The following CTSW variants were observed in gnomAD, a reference collection of about 807,000 sequenced individuals.
CTSW encodes the protein lymphopain.
CTSW carries 42 observed loss-of-function variants against 43.8 expected under a neutral mutation model. The ratio of observed to expected loss-of-function variants is 0.96; its 90% CI spans 0.75 to 1.24. The LOEUF (loss-of-function observed/expected upper bound fraction) is 1.24, where lower values mean the gene tolerates loss of function less well. CTSW is among the 50% of genes most tolerant of loss of function. The pLI is 0.00. For missense variants in CTSW, 475 were observed against 479.9 expected (o/e 0.99, Z 0.09); for synonymous variants, 191 against 184.8 (o/e 1.03, Z -0.27).
Position 65,883,145 on chromosome 11 carries a change from G to A in CTSW, c.810+12G>A, listed in dbSNP as rs1341433771. On this transcript the variant is annotated intron_variant, in intron 8 of 9. Coordinates refer to ENST00000307886, the MANE Select transcript of CTSW (RefSeq NM_001335.4). ...TGAAGCCCCTTCAGGTGAGATGGGG[G>A]AGCTGATGGGGAAGGGGCATACAGG... 6.2e-7 allele frequency: 1 copy of A among 1,613,968 alleles called. No homozygotes were observed. Among genetic ancestry groups the A allele is most frequent in the South Asian group, 1.1e-5 (1 of 91,072 alleles).
Position 65,882,279 on chromosome 11 carries a change from A to C in CTSW, c.391A>C (p.Ser131Arg), listed in dbSNP as rs988018533. The stretch of plus-strand genomic sequence containing the variant: ...AGAGCCAGAGGAGTCAGTACCTTTC[A>C]GCTGTGACTGGCGGAAGGTGGCCAG... The part of the protein sequence containing the change: ...SEEPEESVPF[S>R]CDWRKVASAI... The change falls in exon 4 of 10, where the codon AGC becomes CGC. Residue 131 changes from serine (S) to arginine (R), a missense_variant. Transcript: ENST00000307886. The C allele has an allele frequency of 3.7e-6, 6 of 1,614,188 alleles. No homozygotes were observed. Among genetic ancestry groups the C allele is most frequent in the Non-Finnish European group, 5.1e-6 (6 of 1,180,028 alleles).
At position 65,881,611 on chromosome 11, in the gene CTSW, T is replaced by C. The variant is rs888918539; in HGVS notation, c.286+91T>C. On this transcript the variant is annotated intron_variant, in intron 3 of 9. Coordinates refer to ENST00000307886, the MANE Select transcript of CTSW (RefSeq NM_001335.4). ...CTGGACCCAGCGGACCTTCAATTTT[T>C]ACTTCCCAGGGAAGGAAATTCATTT... 8.4e-6 allele frequency: 7 copies of C among 829,226 alleles called. No homozygotes were observed. In the African/African-American group the frequency reaches 1.2e-4, roughly 14 times the overall value. The allele number at this position is 829,226 out of a possible 1,614,324, so 51.4% of individuals were successfully genotyped here. A position where few individuals can be genotyped will look rare whatever the true frequency, so the allele number is the denominator to read the frequency against.
chr11:65,882,393 C>T lies in CTSW; in HGVS notation c.442-37C>T, dbSNP rs1238504419. The T allele has an allele frequency of 1.6e-5, 26 of 1,613,578 alleles. No individual in the cohort carries two copies. In the East Asian group the frequency reaches 2.9e-4, roughly 18 times the overall value. The stretch of plus-strand genomic sequence containing the variant: ...TGGTGGGAGGGAGAGGGGCACGGCC[C>T]GAACACCTAGCCCCGCCCCACCCTC... On this transcript the variant is annotated intron_variant, in intron 4 of 9. Coordinates refer to ENST00000307886, the MANE Select transcript of CTSW (RefSeq NM_001335.4).
At chr11:65,882,392 C>G in intron 4 of CTSW, 38 bp from the exon 5 acceptor site, 2 of 1,613,740 alleles carry the variant, frequency 1.2e-6, no homozygotes, top group Non-Finnish European at 1.7e-6. Flanking sequence ...GGGGCACGGC[C>G]CGAACACCTA....
In CTSW at chr11:65,883,369, A is replaced by G; in HGVS notation, c.965A>G (p.His322Arg). 2.5e-6 allele frequency: 4 copies of G among 1,613,854 alleles called. No homozygotes were observed. Among genetic ancestry groups the G allele is most frequent in the Non-Finnish European group, 3.4e-6 (4 of 1,179,950 alleles). ...VSSQSQPQPP[H>R]PTPYWILKNS... ...TCGCAGTCTCAGCCTCAGCCTCCAC[A>G]CCCCACCCCATACTGGATCCTGAAG... is the stretch of plus-strand genomic sequence containing the variant. Residue 322 changes from histidine (H) to arginine (R), a missense_variant, in exon 9 of 10, where the codon CAC becomes CGC. Coordinates refer to ENST00000307886, the MANE Select transcript of CTSW (RefSeq NM_001335.4).
chr11:65,880,300 C>T lies in CTSW; in HGVS notation c.172+14C>T. The T allele has an allele frequency of 5.0e-6, 8 of 1,596,586 alleles. No individual in the cohort carries two copies. Among genetic ancestry groups the T allele is most frequent in the Non-Finnish European group, 6.9e-6 (8 of 1,166,628 alleles). On this transcript the variant is annotated intron_variant, in intron 2 of 9. Transcript: ENST00000307886. Reference sequence around the variant, plus strand: ...TGAGCCCAGAAGGTATCACAGGGCACATACATCTCCAGTCCAAGCCCCCAC... The same window carrying T: ...TGAGCCCAGAAGGTATCACAGGGCATATACATCTCCAGTCCAAGCCCCCAC...
chr11:65,882,717 C>T (rs1237917388), intron 6 of CTSW, 28 bp downstream of exon 6: 2 of 1,614,246 alleles, frequency 1.2e-6, no homozygotes, highest in Non-Finnish European at 8.5e-7. Context: ...CCACTCTGGA[C>T]ATCTGCAGGG....
chr11:65,882,751 C>T (rs781627115), intron 6 of CTSW, 28 bp from the exon 7 acceptor site: 3 of 1,614,186 alleles, frequency 1.9e-6, no homozygotes, highest in Non-Finnish European at 2.5e-6. Context: ...AGGAGCGGAA[C>T]CTCCTCCCTT....
chr11:65,883,059 C>T lies in CTSW; in HGVS notation c.746-10C>T, dbSNP rs760740298. ...ACATGCCAAGGGTCTGATGATGTTC[C>T]TGTCCCCAGGAATTGCGCAGTACCT... On this transcript the variant is annotated splice_polypyrimidine_tract_variant and intron_variant, in intron 7 of 9. Coordinates refer to ENST00000307886, the MANE Select transcript of CTSW (RefSeq NM_001335.4). 9 of 1,613,998 alleles carry T rather than the reference C, an allele frequency of 5.6e-6. No homozygotes were observed. Among genetic ancestry groups the T allele is most frequent in the Middle Eastern group, 3.3e-4 (2 of 6,084 alleles).
At chr11:65,880,048 G>A in intron 1 of CTSW, 107 bp downstream of exon 1, 2 of 1,242,300 alleles carry the variant, frequency 1.6e-6, no homozygotes, top group South Asian at 1.3e-5. Flanking sequence ...GCTGAGGCTG[G>A]AGAGGGGGCT....
chr11:65,883,651 G>GGCCAACTGCCTCCTT lies in CTSW; in HGVS notation c.*38_*52dup. The GGCCAACTGCCTCCTT allele has an allele frequency of 6.3e-7, 1 of 1,584,984 alleles. No homozygotes were observed. The highest frequency in any genetic ancestry group is 8.7e-7 in the Non-Finnish European group (1 of 1,156,034). On this transcript the variant is annotated 3_prime_UTR_variant, in exon 10 of 10. Transcript: ENST00000307886. ...TGGCCCCCTCAGCTCTGTCCTGTTA[G>GGCCAACTGCCTCCTT]GCCAACTGCCTCCTTGCCAGCCCCA... is the stretch of plus-strand genomic sequence containing the variant.
rs759086234 is a variant in CTSW at position 65,882,859 on chromosome 11, G to A, written c.700G>A (p.Val234Met). Residue 234 changes from valine (V) to methionine (M), a missense_variant, in exon 7 of 10, where the codon GTG becomes ATG. Transcript: ENST00000307886. ...GTGCCACCCCAAGAAGTACCAGAAG[G>A]TGGCCTGGATCCAGGACTTCATCAT... Reference protein sequence around the residue: ...HRCHPKKYQKVAWIQDFIMLQ... With the variant: ...HRCHPKKYQKMAWIQDFIMLQ... 89 of 1,614,052 alleles carry A rather than the reference G, an allele frequency of 5.5e-5. No homozygotes were observed. Among genetic ancestry groups the A allele is most frequent in the Non-Finnish European group, 7.2e-5 (85 of 1,180,046 alleles).
Position 65,881,441 on chromosome 11 carries a change from C to A in CTSW, c.207C>A (p.Asn69Lys), listed in dbSNP as rs200649581. 2 of 1,609,964 alleles carry A rather than the reference C, an allele frequency of 1.2e-6. No individual in the cohort carries two copies. Among genetic ancestry groups the A allele is most frequent in the African/African-American group, 2.7e-5 (2 of 74,996 alleles). The stretch of plus-strand genomic sequence containing the variant: ...ACCGCCTGGACATCTTTGCCCACAA[C>A]CTGGCCCAGGCTCAGAGGCTGCAGG... ...HAHRLDIFAH[N>K]LAQAQRLQEE... Residue 69 changes from asparagine (N) to lysine (K), a missense_variant, in exon 3 of 10, where the codon AAC becomes AAA. Asn to Lys is a moderately conservative substitution (Grantham distance 94). Transcript: ENST00000307886.
At chr11:65,880,706 T>G (rs1860095877) in intron 2 of CTSW, 1 of 190,640 alleles carries the variant, frequency 5.2e-6, no homozygotes, top group African/African-American at 2.4e-5. Flanking sequence ...AGGCCAGGGC[T>G]GGGGGTGTGT....
In CTSW at chr11:65,883,317, G is replaced by A. The variant is rs182202105; in HGVS notation, c.913G>A (p.Glu305Lys). 2.5e-6 allele frequency: 4 copies of A among 1,614,114 alleles called. No homozygotes were observed. The highest frequency in any genetic ancestry group is 1.3e-5 in the African/African-American group (1 of 75,000). Reference sequence around the variant, plus strand: ...GGGTTTTGGCAGCGTCAAGTCAGAGGAGGGGATATGGGCAGAGACAGTCTC... The same window carrying A: ...GGGTTTTGGCAGCGTCAAGTCAGAGAAGGGGATATGGGCAGAGACAGTCTC... ...LVGFGSVKSE[E>K]GIWAETVSSQ... The change falls in exon 9 of 10, where the codon GAG becomes AAG. Residue 305 changes from glutamate to lysine, a missense_variant. By Grantham distance (56) the Glu-to-Lys change is moderately conservative. Transcript: ENST00000307886.
In CTSW at chr11:65,882,595, C is replaced by G; in HGVS notation, c.539-14C>G. The G allele has an allele frequency of 6.2e-7, 1 of 1,614,186 alleles. No individual in the cohort carries two copies. The highest frequency in any genetic ancestry group is 8.5e-7 in the Non-Finnish European group (1 of 1,180,048). On this transcript the variant is annotated splice_polypyrimidine_tract_variant and intron_variant, in intron 5 of 9. Coordinates refer to ENST00000307886, the MANE Select transcript of CTSW (RefSeq NM_001335.4). The stretch of plus-strand genomic sequence containing the variant: ...TAGGGGCCTGGTCACCCACACTGTC[C>G]CTTCTTGCACCAGAACTGCTGGACT...
Position 65,881,420 on chromosome 11 carries a change from C to T in CTSW, c.186C>T (p.Arg62=). ...SYLSPEEHAH[R]LDIFAHNLAQ... is the part of the protein sequence containing the mutation. ...CTTTTGGTCCAGAGCATGCTCACCG[C>T]CTGGACATCTTTGCCCACAACCTGG... Residue 62 remains arginine, a synonymous_variant, in exon 3 of 10, where the codon CGC becomes CGT. Transcript: ENST00000307886. The T allele has an allele frequency of 6.2e-7, 1 of 1,602,830 alleles. No individual in the cohort carries two copies. The highest frequency in any genetic ancestry group is 8.5e-7 in the Non-Finnish European group (1 of 1,173,884).
rs1402634404 is a variant in CTSW, at chr11:65,883,441, G to T, written c.1020+17G>T. ...GGAGAGAAGGTGAGTGTGATCTATT[G>T]GGGGAGGGGGCAAGGCAGAACAGGC... On this transcript the variant is annotated intron_variant, in intron 9 of 9. Coordinates refer to ENST00000307886, the MANE Select transcript of CTSW (RefSeq NM_001335.4). 1.9e-6 allele frequency: 3 copies of T among 1,613,862 alleles called. No homozygotes were observed. The highest frequency in any genetic ancestry group is 2.2e-5 in the South Asian group (2 of 91,082).
Position 65,883,683 on chromosome 11 carries a change from G to T in CTSW, c.*65G>T. 2.0e-6 allele frequency: 3 copies of T among 1,471,740 alleles called. No homozygotes were observed. The Admixed American group carries it at 5.1e-5, about 25-fold the overall frequency. The allele number at this position is 1,471,740 out of a possible 1,614,324, so 91.2% of individuals were successfully genotyped here. ...TGCCTCCTTGCCAGCCCCACCCCCA[G>T]GTTTTTGCCCATCCTCCCAATCTCA... On this transcript the variant is annotated 3_prime_UTR_variant, in exon 10 of 10. Transcript: ENST00000307886.
Sources: gnomAD v4.1 joint callset for allele counts on GRCh38, gnomAD v4.1.1 for gene constraint, MANE v1.5 for transcripts, NCBI Gene and HGNC (gene_info 2026-07-23, HGNC 2026-07-21) for gene names.